The following ATAD2 variants were observed in gnomAD, a reference collection of about 807,000 sequenced individuals.
ATAD2 encodes ATPase family AAA domain-containing protein 2.
Under a neutral mutation model 168.9 loss-of-function variants are expected in ATAD2, and 62 were observed. That is an observed-to-expected ratio of 0.37 (90% CI 0.30 to 0.45). The LOEUF is 0.45. Ranked by LOEUF, ATAD2 falls within the 20% of genes least tolerant of loss-of-function variation. The probability of loss-of-function intolerance (pLI) is 1.00; values close to 1 mark genes in which losing one functional copy is unlikely to be tolerated. For synonymous variants in ATAD2, 613 were observed against 571.6 expected, an observed-to-expected ratio of 1.07 and a Z score of -1.03; for missense variants, 1,419 against 1,667.8, an observed-to-expected ratio of 0.85 and a Z score of 2.60.
intron 4 of ATAD2, 51 bp from the exon 5 acceptor site, chr8:123,371,389 A>T: frequency 6.9e-7 from 1 of 1,443,158 alleles, no homozygotes; most frequent in Non-Finnish European, 9.4e-7. Flanking sequence ...GAGTAGCAGA[A>T]TTTTAAAAAC....
chr8:123,359,709 CCA>C (rs769374233), intron 9 of ATAD2, 24 bp from the exon 10 acceptor site: 8 of 1,514,528 alleles, frequency 5.3e-6, no homozygotes, highest in Non-Finnish European at 7.3e-6. Context: ...TTTTTTAAAA[CCA>C]CACAAACCCA....
At position 123,328,347 on chromosome 8, in the gene ATAD2, C is replaced by T. The variant is rs777117641; in HGVS notation, c.3711G>A (p.Leu1237=). ...AAGTATTTGAATTATTTCTCAATTC[C>T]AGTTTGCTTTCAGAGGCATTTTGCT... ...EKQQNASESK[L]ELRNNSNTCN... is the part of the protein sequence containing the mutation. Residue 1237 remains leucine, a synonymous_variant, in exon 25 of 28, where the codon CTG becomes CTA. Coordinates refer to ENST00000287394, the MANE Select transcript of ATAD2 (RefSeq NM_014109.4). 3 of 1,605,354 alleles carry T rather than the reference C, an allele frequency of 1.9e-6. No individual in the cohort carries two copies. The highest frequency in any genetic ancestry group is 2.2e-5 in the East Asian group (1 of 44,688).
chr8:123,396,378 G>T lies in ATAD2; in HGVS notation c.-21C>A. On this transcript the variant is annotated 5_prime_UTR_variant, in exon 1 of 28. Transcript: ENST00000287394. ...ACCATCTTCTCTCCCTACTGGCCTC[G>T]GCGTGCGCGACCGGAGAGAGATCCA... 1 of 1,548,388 alleles carries T rather than the reference G, an allele frequency of 6.5e-7. No homozygotes were observed. The highest frequency in any genetic ancestry group is 2.4e-5 in the East Asian group (1 of 41,586).
intron 12 of ATAD2, 35 bp downstream of exon 12, chr8:123,357,527 G>A: frequency 4.5e-6 from 7 of 1,564,328 alleles, no homozygotes; most frequent in Non-Finnish European, 6.1e-6. Context: ...CTAGATTACA[G>A]AACTATCCAG....
intron 1 of ATAD2, among the ~76,000 whole-genome samples, chr8:123,387,639 T>C (rs146666888): frequency 1.6e-3 from 237 of 152,332 alleles, no homozygotes; most frequent in African/African-American, 5.3e-3. Flanking sequence ...AGAGCACTTA[T>C]AGTTCTTTAA....
At chr8:123,345,313 T>C (rs1285019154) in intron 18 of ATAD2, among the ~76,000 whole-genome samples, 1 of 152,160 alleles carries the variant, frequency 6.6e-6, no homozygotes, top group African/African-American at 2.4e-5. Context: ...GATTTTTCTA[T>C]TGTGGTAATC....
At chr8:123,355,363 TAATC>T (rs1828609070) in intron 13 of ATAD2, among the ~76,000 whole-genome samples, 1 of 152,198 alleles carries the variant, frequency 6.6e-6, no homozygotes. Flanking sequence ...TATTCCAAAT[TAATC>T]AATCAATTAC....
chr8:123,396,091 G>A (rs927028496), intron 1 of ATAD2, 96 bp downstream of exon 1: 1 of 1,343,096 alleles, frequency 7.4e-7, no homozygotes, highest in African/African-American at 1.5e-5. Context: ...CTGTCACCCT[G>A]ACCGGCGCCG....
chr8:123,345,452 A>T (rs1003604667), intron 18 of ATAD2, among the ~76,000 whole-genome samples: 6 of 151,056 alleles, frequency 4.0e-5, no homozygotes, highest in Admixed American at 1.3e-4. Context: ...GCCTGAGCCC[A>T]GGAGTTTGAG....
upstream of ATAD2, chr8:123,400,670 A>C (rs937958095): frequency 1.4e-6 from 1 of 724,158 alleles, no homozygotes; most frequent in Non-Finnish European, 2.5e-6. This position sits in a 1 kb window ranked among gnomAD's most constrained non-coding sequence, Gnocchi z 4.5. Context: ...AGCCTCACCT[A>C]CAACGAGTTC....
intron 1 of ATAD2, among the ~76,000 whole-genome samples, chr8:123,415,805 G>A (rs1813257692): frequency 6.6e-6 from 1 of 152,148 alleles, no homozygotes; most frequent in African/African-American, 2.4e-5. Context: ...ATGTTGGCCA[G>A]GCTCGTCTCG....
At chr8:123,379,510 T>C (rs1443141622) in intron 2 of ATAD2, among the ~76,000 whole-genome samples, 1 of 152,112 alleles carries the variant, frequency 6.6e-6, no homozygotes, top group East Asian at 1.9e-4. Flanking sequence ...TGTACTCATA[T>C]GTATCACAGG....
At position 123,334,327 on chromosome 8, in the gene ATAD2, GAAGT is replaced by G. The variant is rs759168491; in HGVS notation, c.3212-9_3212-6del. 12 of 1,508,372 alleles carry G rather than the reference GAAGT, an allele frequency of 8.0e-6. No homozygotes were observed. Among genetic ancestry groups the G allele is most frequent in the South Asian group, 1.4e-5 (1 of 72,172 alleles). The allele number at this position is 1,508,372 out of a possible 1,614,324, so 93.4% of individuals were successfully genotyped here. A position where few individuals can be genotyped will look rare whatever the true frequency, so the allele number is the denominator to read the frequency against. On this transcript the variant is annotated splice_polypyrimidine_tract_variant and splice_region_variant and intron_variant, in intron 22 of 27. Coordinates refer to ENST00000287394, the MANE Select transcript of ATAD2 (RefSeq NM_014109.4). ...CTCTATGCCTAATAAGACGATCTAT[GAAGT>G]GAGTAAAAAATGTAATTTTTAATTT...
At position 123,396,425 on chromosome 8, in the gene ATAD2, G is replaced by C; in HGVS notation, c.-68C>G. 1 of 1,418,790 alleles carries C rather than the reference G, an allele frequency of 7.0e-7. No homozygotes were observed. The highest frequency in any genetic ancestry group is 9.2e-7 in the Non-Finnish European group (1 of 1,084,014). 87.9% of individuals were successfully genotyped at this position (1,418,790 alleles called of 1,614,324 possible). A position where few individuals can be genotyped will look rare whatever the true frequency, so the allele number is the denominator to read the frequency against. On this transcript the variant is annotated 5_prime_UTR_variant, in exon 1 of 28. Coordinates refer to ENST00000287394, the MANE Select transcript of ATAD2 (RefSeq NM_014109.4). Reference sequence around the variant, plus strand: ...TCCAGCTCCAGGCGCTCGCAGCTCTGGCTCTTCCGCGCTCCGAATTCTGGC... The same window carrying C: ...TCCAGCTCCAGGCGCTCGCAGCTCTCGCTCTTCCGCGCTCCGAATTCTGGC...
At position 123,320,881 on chromosome 8, in the gene ATAD2, G is replaced by A. The variant is rs1032990791; in HGVS notation, c.*253C>T. ...TACCAAAATAACTTTATTAAGAGTT[G>A]GCCAAACTTCAACTATTATTACTAT... On this transcript the variant is annotated 3_prime_UTR_variant, in exon 28 of 28. Coordinates refer to ENST00000287394, the MANE Select transcript of ATAD2 (RefSeq NM_014109.4). The A allele has an allele frequency of 7.9e-6, 3 of 379,418 alleles. No homozygotes were observed. The highest frequency in any genetic ancestry group is 1.4e-5 in the Non-Finnish European group (3 of 216,066). 23.5% of individuals were successfully genotyped at this position (379,418 alleles called of 1,614,324 possible). A position where few individuals can be genotyped will look rare whatever the true frequency, so the allele number is the denominator to read the frequency against.
chr8:123,395,667 C>T (rs1003831610), intron 1 of ATAD2, among the ~76,000 whole-genome samples: 2 of 152,162 alleles, frequency 1.3e-5, no homozygotes, highest in African/African-American at 4.8e-5. Context: ...CATTATGCAA[C>T]CTGGTATTAT....
intron 25 of ATAD2, among the ~76,000 whole-genome samples, chr8:123,326,725 G>A (rs1166360189): frequency 1.3e-5 from 2 of 152,136 alleles, no homozygotes; most frequent in African/African-American, 2.4e-5. Context: ...TACTGTCAAT[G>A]TAGTTTTCCC....
chr8:123,413,761 G>A (rs1783206069), intron 1 of ATAD2, among the ~76,000 whole-genome samples: 1 of 152,130 alleles, frequency 6.6e-6, no homozygotes, highest in Admixed American at 6.6e-5. Flanking sequence ...CCAGGAAGAT[G>A]GAAGCCAACA....
In ATAD2 at chr8:123,371,814, C is replaced by G; in HGVS notation, c.392G>C (p.Arg131Pro). 1 of 1,599,688 alleles carries G rather than the reference C, an allele frequency of 6.3e-7. No homozygotes were observed. The highest frequency in any genetic ancestry group is 8.5e-7 in the Non-Finnish European group (1 of 1,175,380). Reference sequence around the variant, plus strand: ...AACGATGTTTCTAGCCCTCAATGACCGAGTAACTGGAATCACTTTGTCTTC... The same window carrying G: ...AACGATGTTTCTAGCCCTCAATGACGGAGTAACTGGAATCACTTTGTCTTC... ...HREDKVIPVT[R>P]SLRARNIVQS... Residue 131 changes from arginine (R) to proline (P), a missense_variant, in exon 4 of 28, where the codon CGG becomes CCG. Arg to Pro is a moderately radical substitution (Grantham distance 103). Around this residue, in one of 5 missense-constraint regions of ATAD2, gnomAD observed 419 missense variants for 423.5 expected, o/e 0.99. Transcript: ENST00000287394.
Sources: allele counts gnomAD v4.1 joint callset (sites outside exome capture counted in the v4.1 genomes callset), GRCh38; gene constraint gnomAD v4.1.1; regional missense constraint gnomAD v4.1.1; non-coding constraint Gnocchi (gnomAD v3.1); transcripts MANE v1.5; gene names NCBI Gene and HGNC (gene_info 2026-07-23, HGNC 2026-07-21).